Variants in NRXN3 observed in about 807,000 individuals in gnomAD.
The protein encoded by NRXN3 is neurexin III.
A neutral mutation model predicts 137.6 loss-of-function variants in NRXN3; 32 were observed. That is an observed-to-expected ratio of 0.23 (90% CI 0.18 to 0.31). The LOEUF is 0.31. Ranked by LOEUF, NRXN3 falls within the 10% of genes least tolerant of loss-of-function variation. The probability of loss-of-function intolerance (pLI) is 1.00; values close to 1 mark genes in which losing one functional copy is unlikely to be tolerated. For missense variants in NRXN3, 1,574 were observed against 2,062.5 expected, an observed-to-expected ratio of 0.76 and a Z score of 4.59; for synonymous variants, 798 against 784.5, an observed-to-expected ratio of 1.02 and a Z score of -0.29.
chr14:79,051,959 T>C (rs2152572344), intron 15 of NRXN3, among the ~76,000 whole-genome samples: 1 of 152,312 alleles, frequency 6.6e-6, no homozygotes. Flanking sequence ...GTGCTTGGAG[T>C]GAAAAGCAAA....
chr14:79,387,462 A>G (rs865926543), intron 15 of NRXN3, among the ~76,000 whole-genome samples: 446 of 152,004 alleles, frequency 2.9e-3, no homozygotes, highest in South Asian at 9.6e-3. Flanking sequence ...AACAGATGCT[A>G]GAGAGGATGT....
intron 2 of NRXN3, chr14:78,250,240 G>A (rs2153460950): frequency 2.9e-6 from 1 of 349,116 alleles, no homozygotes; most frequent in South Asian, 2.2e-5. Context: ...CAGTGAAACA[G>A]GAATCATAAA....
chr14:79,387,089 A>G (rs2094649706), intron 15 of NRXN3, among the ~76,000 whole-genome samples: 1 of 152,244 alleles, frequency 6.6e-6, no homozygotes, highest in South Asian at 2.1e-4. Context: ...AACAAAAGAC[A>G]AAATTGACAA....
intron 15 of NRXN3, among the ~76,000 whole-genome samples, chr14:79,340,881 A>C (rs986216645): frequency 6.6e-6 from 1 of 152,230 alleles, no homozygotes. Flanking sequence ...CAATGCCCTC[A>C]TCAGTTGAGA....
chr14:79,597,877 G>C (rs2153830439), intron 16 of NRXN3, among the ~76,000 whole-genome samples: 1 of 152,156 alleles, frequency 6.6e-6, no homozygotes, highest in South Asian at 2.1e-4. Context: ...ATAGGCAGAG[G>C]AAAAAATTAA....
At chr14:79,368,599 G>C (rs2093982334) in intron 15 of NRXN3, among the ~76,000 whole-genome samples, 2 of 152,074 alleles carry the variant, frequency 1.3e-5, no homozygotes, top group East Asian at 1.9e-4. Flanking sequence ...TCATCAAAGG[G>C]TAATGAGTTA....
intron 19 of NRXN3, among the ~76,000 whole-genome samples, chr14:79,793,562 A>G (rs1039816515): frequency 6.6e-6 from 1 of 152,134 alleles, no homozygotes; most frequent in Non-Finnish European, 1.5e-5. Context: ...GTTCAAAATC[A>G]TTTTTCAGAA....
Position 78,288,228 on chromosome 14 carries a change from C to A in NRXN3, c.727+9566C>A, listed in dbSNP as rs1405730432. Among the ~76,000 whole-genome samples the A allele has an allele frequency of 3.9e-5, 6 of 152,274 alleles. No individual in the cohort carries two copies. The East Asian group carries it at 9.6e-4, about 24-fold the overall frequency. On this transcript the variant is annotated intron_variant, in intron 3 of 20. Coordinates refer to ENST00000335750, the MANE Select transcript of NRXN3 (RefSeq NM_001330195.2). The stretch of plus-strand genomic sequence containing the variant: ...CTCCTGCCCTCAGGTGATCCACCCG[C>A]CTCGGCTTCCAAAAGTGCTGGGATT...
intron 1 of NRXN3, among the ~76,000 whole-genome samples, chr14:78,239,811 A>G (rs918102192): frequency 3.3e-5 from 5 of 152,148 alleles, no homozygotes; most frequent in Admixed American, 1.3e-4. Context: ...GGTTCCAGCA[A>G]TTCTCCCTGC....
intron 16 of NRXN3, among the ~76,000 whole-genome samples, chr14:79,593,325 C>T (rs1343420131): frequency 1.3e-5 from 2 of 152,068 alleles, no homozygotes; most frequent in African/African-American, 2.4e-5. Context: ...AAAACAACAG[C>T]ATATTAAAAA....
intron 10 of NRXN3, among the ~76,000 whole-genome samples, chr14:78,852,342 A>T (rs1262231020): frequency 1.3e-5 from 2 of 152,206 alleles, no homozygotes; most frequent in Non-Finnish European, 2.9e-5. Context: ...TGTAGTATTA[A>T]CATCTGACAA....
rs1267206775 is a variant in NRXN3, at chr14:78,926,709, T to C, written c.2276-30533T>C. Among the ~76,000 whole-genome samples the C allele has an allele frequency of 2.6e-3, 235 of 89,406 alleles. 1 individual carries two copies. Among genetic ancestry groups the C allele is most frequent in the Middle Eastern group, 4.5e-3 (1 of 222 alleles). 58.7% of individuals were successfully genotyped at this position (89,406 alleles called of 152,430 possible). A position where few individuals can be genotyped will look rare whatever the true frequency, so the allele number is the denominator to read the frequency against. Reference sequence around the variant, plus strand: ...TGTAATATATATAAAATATATATTATATATTATATAATTATATATAATATA... The same window carrying C: ...TGTAATATATATAAAATATATATTACATATTATATAATTATATATAATATA... On this transcript the variant is annotated intron_variant, in intron 10 of 20. Coordinates refer to ENST00000335750, the MANE Select transcript of NRXN3 (RefSeq NM_001330195.2).
intron 10 of NRXN3, among the ~76,000 whole-genome samples, chr14:78,914,332 C>T (rs984350735): frequency 2.0e-5 from 3 of 152,166 alleles, no homozygotes; most frequent in African/African-American, 7.2e-5. Context: ...AAAATACCTG[C>T]ACTCTTGGAA....
chr14:79,633,705 C>A lies in NRXN3; in HGVS notation c.3445-30073C>A, dbSNP rs576647797. Among the ~76,000 whole-genome samples, 67 of 152,286 alleles carry A rather than the reference C, an allele frequency of 4.4e-4. 1 individual carries two copies. In the South Asian group the frequency reaches 4.8e-3, roughly 11 times the overall value. On this transcript the variant is annotated intron_variant, in intron 16 of 20. Transcript: ENST00000335750. ...TAAACGAGACACATAATAAGACTCT[C>A]TTTTGAGATGAGAGAAACCAACAAC...
intron 15 of NRXN3, among the ~76,000 whole-genome samples, chr14:79,191,329 TTGA>T: frequency 6.6e-6 from 1 of 152,206 alleles, no homozygotes; most frequent in African/African-American, 2.4e-5. Context: ...GCCTCAGAAA[TTGA>T]TGATAGATGA....
At chr14:79,231,128 A>T (rs1038348822) in intron 15 of NRXN3, among the ~76,000 whole-genome samples, 5 of 152,106 alleles carry the variant, frequency 3.3e-5, no homozygotes, top group Non-Finnish European at 7.4e-5. Context: ...AAGACTAAAC[A>T]ATTTGATTCC....
chr14:78,747,824 C>T (rs1280218388), intron 8 of NRXN3, among the ~76,000 whole-genome samples: 1 of 152,182 alleles, frequency 6.6e-6, no homozygotes, highest in African/African-American at 2.4e-5. Context: ...TTTCTGCCTC[C>T]TTTAGATTTC....
chr14:78,419,961 G>GCGCGCACACA (rs1555518606), intron 4 of NRXN3, among the ~76,000 whole-genome samples: 3 of 49,150 alleles, frequency 6.1e-5, no homozygotes, highest in East Asian at 2.7e-4. Flanking sequence ...GCGCGCGCAC[G>GCGCGCACACA]CACACACACA....
chr14:79,707,316 A>ATAAT (rs1254384824), intron 19 of NRXN3, among the ~76,000 whole-genome samples: 2 of 152,320 alleles, frequency 1.3e-5, no homozygotes, highest in Non-Finnish European at 1.5e-5. Context: ...GGGGGCCAAT[A>ATAAT]TAATTTATTT....
Sources: gnomAD v4.1 joint callset for allele counts (sites outside exome capture counted in the v4.1 genomes callset) on GRCh38, gnomAD v4.1.1 for gene constraint, MANE v1.5 for transcripts, NCBI Gene and HGNC (gene_info 2026-07-23, HGNC 2026-07-21) for gene names.